Variants in MBOAT1 observed in about 807,000 individuals in gnomAD.
The protein encoded by MBOAT1 is membrane bound glycerophospholipid O-acyltransferase 1, also known as membrane-bound glycerophospholipid O-acyltransferase 1.
A neutral mutation model predicts 64.4 loss-of-function variants in MBOAT1; 67 were observed. The observed-to-expected ratio is 1.04, with a 90% CI of 0.85 to 1.27. The LOEUF is 1.27. Among genes scored for constraint, MBOAT1 ranks in the 50% most tolerant of loss-of-function variants. The pLI is 0.00. For missense variants in MBOAT1, 563 were observed against 604.6 expected (o/e 0.93, Z 0.72); for synonymous variants, 229 against 218.9 (o/e 1.05, Z -0.41).
intron 1 of MBOAT1, among the ~76,000 whole-genome samples, chr6:20,188,549 C>G (rs1035244928): frequency 6.6e-6 from 1 of 152,098 alleles, no homozygotes; most frequent in East Asian, 1.9e-4. Context: ...GAAGAAAGCT[C>G]TCTGCCGCAG....
intron 7 of MBOAT1, among the ~76,000 whole-genome samples, chr6:20,125,505 G>A (rs1025636611): frequency 3.3e-5 from 5 of 152,184 alleles, no homozygotes; most frequent in African/African-American, 1.2e-4. Context: ...CCTTATCTGT[G>A]CACAAAAATG....
At chr6:20,168,504 AGAG>A (rs1231924601) in intron 1 of MBOAT1, among the ~76,000 whole-genome samples, 1 of 129,604 alleles carries the variant, frequency 7.7e-6, no homozygotes, top group Non-Finnish European at 1.7e-5. Context: ...AGAGAGAGAG[AGAG>A]GAGAGGAGAG....
chr6:20,130,504 C>T (rs143305597), intron 5 of MBOAT1, among the ~76,000 whole-genome samples: 1,698 of 152,152 alleles, frequency 0.011, 27 homozygotes, highest in African/African-American at 0.038. Flanking sequence ...CAGGCATGTG[C>T]CACCACGCCT....
Position 20,111,583 on chromosome 6 carries a change from C to A in MBOAT1, c.1209+1293G>T, listed in dbSNP as rs934284474. Reference sequence around the variant, plus strand: ...CCAGTTGAAACCATAGAGTAAAAGACACCTGAGGGAATAATACTCTGGATA... The same window carrying A: ...CCAGTTGAAACCATAGAGTAAAAGAAACCTGAGGGAATAATACTCTGGATA... On this transcript the variant is annotated intron_variant, in intron 11 of 12. Transcript: ENST00000324607. Among the ~76,000 whole-genome samples the A allele has an allele frequency of 2.0e-5, 3 of 151,920 alleles. No individual in the cohort carries two copies. In the East Asian group the frequency reaches 5.8e-4, roughly 29 times the overall value.
chr6:20,191,099 C>T (rs1462195197), intron 1 of MBOAT1, among the ~76,000 whole-genome samples: 2 of 152,196 alleles, frequency 1.3e-5, no homozygotes, highest in African/African-American at 4.8e-5. Context: ...GAAACTTAAT[C>T]CCCAATGCAC....
chr6:20,153,022 G>C (rs1391511738), intron 1 of MBOAT1, among the ~76,000 whole-genome samples: 3 of 152,064 alleles, frequency 2.0e-5, no homozygotes, highest in Non-Finnish European at 4.4e-5. Flanking sequence ...TTTTAGTAGA[G>C]ACAGGGTTTC....
chr6:20,152,383 T>C (rs1028965269), intron 2 of MBOAT1, among the ~76,000 whole-genome samples: 1 of 113,238 alleles, frequency 8.8e-6, no homozygotes, highest in East Asian at 2.6e-4. Flanking sequence ...ATTAATTAAT[T>C]AATTAAAAAA....
At chr6:20,179,258 G>A (rs901610993) in intron 1 of MBOAT1, among the ~76,000 whole-genome samples, 2 of 152,136 alleles carry the variant, frequency 1.3e-5, no homozygotes, top group African/African-American at 4.8e-5. Context: ...GTCAAACTGA[G>A]GTGCTTAGGC....
At position 20,179,329 on chromosome 6, in the gene MBOAT1, A is replaced by T. The variant is rs144744437; in HGVS notation, c.100-26560T>A. 2.4e-3 allele frequency among the ~76,000 whole-genome samples: 371 copies of T among 152,270 alleles called. 4 individuals are homozygous for T. The highest frequency in any genetic ancestry group is 7.9e-3 in the African/African-American group (328 of 41,540). ...CAGGAGAAAATCTGAATTAAGCCCC[A>T]TTGTGTGCTGTTCCCCCCAACCATG... is the stretch of plus-strand genomic sequence containing the variant. On this transcript the variant is annotated intron_variant, in intron 1 of 12. Transcript: ENST00000324607.
intron 1 of MBOAT1, among the ~76,000 whole-genome samples, chr6:20,154,452 G>C (rs959362558): frequency 2.6e-5 from 4 of 152,248 alleles, no homozygotes; most frequent in Non-Finnish European, 5.9e-5. Context: ...AGAATCGCTT[G>C]AACTCGGGAG....
chr6:20,144,984 G>A (rs1286904034), intron 3 of MBOAT1, among the ~76,000 whole-genome samples: 1 of 152,070 alleles, frequency 6.6e-6, no homozygotes. Context: ...CTGCCTTATA[G>A]TATACACTAG....
At chr6:20,144,640 C>G (rs1215285803) in intron 3 of MBOAT1, among the ~76,000 whole-genome samples, 1 of 152,224 alleles carries the variant, frequency 6.6e-6, no homozygotes, top group Non-Finnish European at 1.5e-5. Flanking sequence ...GCAGCCAGGG[C>G]TGGGAATCAC....
chr6:20,176,279 G>A (rs1762339782), intron 1 of MBOAT1, among the ~76,000 whole-genome samples: 1 of 125,142 alleles, frequency 8.0e-6, no homozygotes, highest in Admixed American at 8.5e-5. Flanking sequence ...GTGAGACCCT[G>A]TCTTTAAAAA....
intron 8 of MBOAT1, among the ~76,000 whole-genome samples, chr6:20,123,979 C>G (rs912477443): frequency 6.6e-6 from 1 of 152,134 alleles, no homozygotes; most frequent in African/African-American, 2.4e-5. Context: ...ATGGCATTAA[C>G]CCAGGAGGTG....
intron 1 of MBOAT1, among the ~76,000 whole-genome samples, chr6:20,172,801 T>C (rs757759409): frequency 5.5e-4 from 84 of 152,158 alleles, no homozygotes; most frequent in East Asian, 5.8e-4. Context: ...ATACAGGAGG[T>C]AAAAAGACAA....
At chr6:20,189,290 A>C (rs992432465) in intron 1 of MBOAT1, among the ~76,000 whole-genome samples, 4 of 152,242 alleles carry the variant, frequency 2.6e-5, no homozygotes, top group African/African-American at 9.6e-5. Context: ...AACATTTTGA[A>C]ATACACATAG....
intron 4 of MBOAT1, among the ~76,000 whole-genome samples, chr6:20,139,529 T>A (rs1403032788): frequency 1.4e-5 from 2 of 142,636 alleles, no homozygotes; most frequent in Non-Finnish European, 3.0e-5. Flanking sequence ...TACACAAAAA[T>A]ACACTCACAT....
chr6:20,202,935 C>CA (rs1488993137), intron 1 of MBOAT1, among the ~76,000 whole-genome samples: 4 of 152,162 alleles, frequency 2.6e-5, no homozygotes, highest in Non-Finnish European at 5.9e-5. Context: ...ATTCTTTATA[C>CA]AAGTCACTGG....
intron 1 of MBOAT1, among the ~76,000 whole-genome samples, chr6:20,193,822 G>C (rs558785267): frequency 4.4e-4 from 67 of 151,870 alleles, no homozygotes; most frequent in Non-Finnish European, 8.5e-4. Context: ...GGCCAGGATG[G>C]TCTCGATCTC....
Sources: allele counts gnomAD v4.1 joint callset (sites outside exome capture counted in the v4.1 genomes callset), GRCh38; gene constraint gnomAD v4.1.1; transcripts MANE v1.5; gene names NCBI Gene and HGNC (gene_info 2026-07-23, HGNC 2026-07-21).